The following SH3D21 variants were observed in gnomAD, a reference collection of about 807,000 sequenced individuals.
SH3D21 encodes manchette microtubule inner protein 1.
A neutral mutation model predicts 82.1 loss-of-function variants in SH3D21; 83 were observed. The observed-to-expected ratio is 1.01, with a 90% CI of 0.85 to 1.21. The LOEUF is 1.21. SH3D21 is among the 50% of genes most tolerant of loss of function. SH3D21 has a pLI of 0.00. For missense variants in SH3D21, 980 were observed against 962.1 expected (o/e 1.02, Z -0.25); for synonymous variants, 383 against 387.8 (o/e 0.99, Z 0.15).
downstream of SH3D21, chr1:36,322,279 C>T (rs764049930): frequency 5.4e-6 from 8 of 1,483,054 alleles, no homozygotes; most frequent in Non-Finnish European, 7.1e-6. Context: ...CGCCTTGCAG[C>T]GGGAGCCGGG....
At position 36,321,048 on chromosome 1, in the gene SH3D21, C is replaced by A. The variant is rs776911224; in HGVS notation, c.2200-8C>A. ...CCCTGACAAAGTCTCCACCTCACTC[C>A]CGACCAGGTCCAGGTGATGCAGGGG... On this transcript the variant is annotated splice_polypyrimidine_tract_variant and splice_region_variant and intron_variant, in intron 15 of 15. Coordinates refer to ENST00000453908, the MANE Select transcript of SH3D21 (RefSeq NM_001162530.2). This position sits in a 1 kb window ranked among gnomAD's most constrained non-coding sequence, Gnocchi z 6.1. 3 of 1,609,906 alleles carry A rather than the reference C, an allele frequency of 1.9e-6. No individual in the cohort carries two copies. In the South Asian group the frequency reaches 3.3e-5, roughly 18 times the overall value.
At chr1:36,324,877 A>G (rs1198559325), downstream of SH3D21, 1 of 152,230 alleles carries the variant, frequency 6.6e-6, no homozygotes, top group East Asian at 1.9e-4. Context: ...TGCAGCCACT[A>G]GTCAACAAAT....
At position 36,307,023 on chromosome 1, in the gene SH3D21, C is replaced by A. The variant is rs1266631822; in HGVS notation, c.226+118C>A. On this transcript the variant is annotated intron_variant, in intron 3 of 15. Transcript: ENST00000453908. This position sits in a 1 kb window ranked among gnomAD's most constrained non-coding sequence, Gnocchi z 5.4. Reference sequence around the variant, plus strand: ...TGGGCGGGACCTCGGGGCCGCCCTGCGGTCTGTGATTGGTTCTCGAGTGCA... The same window carrying A: ...TGGGCGGGACCTCGGGGCCGCCCTGAGGTCTGTGATTGGTTCTCGAGTGCA... 2.8e-6 allele frequency: 4 copies of A among 1,431,532 alleles called. No individual in the cohort carries two copies. The highest frequency in any genetic ancestry group is 2.9e-5 in the African/African-American group (2 of 69,274). 88.7% of individuals were successfully genotyped at this position (1,431,532 alleles called of 1,614,324 possible).
intron 10 of SH3D21, among the ~76,000 whole-genome samples, chr1:36,310,696 GTCC>G (rs1298596018): frequency 1.3e-5 from 2 of 151,542 alleles, no homozygotes; most frequent in African/African-American, 4.9e-5. Flanking sequence ...TGTTGTTTGT[GTCC>G]TCCTCCTCTT....
rs10796880 is a variant in SH3D21 at position 36,316,530 on chromosome 1, T to A, written c.770-2541T>A. ...GATTACAGGCGTGAGCCACCGCGCC[T>A]GGCCGAGAATTTGCTTTTACTTCTC... is the stretch of plus-strand genomic sequence containing the variant. On this transcript the variant is annotated intron_variant, in intron 10 of 15. Coordinates refer to ENST00000453908, the MANE Select transcript of SH3D21 (RefSeq NM_001162530.2). Among the ~76,000 whole-genome samples, 376 of 152,272 alleles carry A rather than the reference T, an allele frequency of 2.5e-3. 2 individuals carry two copies. The highest frequency in any genetic ancestry group is 4.1e-3 in the Non-Finnish European group (279 of 68,034).
At chr1:36,309,881 C>G (rs903921461) in intron 10 of SH3D21, among the ~76,000 whole-genome samples, 10 of 152,132 alleles carry the variant, frequency 6.6e-5, no homozygotes, top group African/African-American at 2.4e-4. Flanking sequence ...ATATATAAGA[C>G]TGTGTATGTT....
chr1:36,320,662 C>G lies in SH3D21; in HGVS notation c.1999C>G (p.Gln667Glu), dbSNP rs1646437471. 3.7e-6 allele frequency: 6 copies of G among 1,614,274 alleles called. No individual in the cohort carries two copies. In the East Asian group the frequency reaches 6.7e-5, roughly 18 times the overall value. Reference protein sequence around the residue: ...TRPIKPPPDSQETLALPSLVP... With the variant: ...TRPIKPPPDSEETLALPSLVP... ...TCCTATCAAGCCGCCTCCAGACTCC[C>G]AAGAGACGCTCGCGCTCCCCTCGCT... Residue 667 changes from glutamine to glutamate, a missense_variant, in exon 14 of 16, where the codon CAA becomes GAA. Gln to Glu is a conservative substitution (Grantham distance 29, BLOSUM62 2). Coordinates refer to ENST00000453908, the MANE Select transcript of SH3D21 (RefSeq NM_001162530.2).
At chr1:36,328,041 G>C, downstream of SH3D21, 1 of 478,298 alleles carries the variant, frequency 2.1e-6, no homozygotes, top group South Asian at 1.5e-5. Flanking sequence ...TATCTGCCCA[G>C]GACTTATCTG....
intron 10 of SH3D21, among the ~76,000 whole-genome samples, chr1:36,312,154 T>A (rs1004105804): frequency 2.0e-5 from 3 of 151,888 alleles, no homozygotes; most frequent in Non-Finnish European, 4.4e-5. Flanking sequence ...CCTCCCGAGT[T>A]GCTGGGACTA....
rs1426790886 is a variant in SH3D21, at chr1:36,320,757, GTC to G, written c.2098_2099del (p.Leu700LysfsTer86). ...TAACGTCGCTGAGGGGCGAGGTGGA[GTC>G]TCTAAGGAGGGCGCTGGAGCTGATG... ...DVTSLRGEVE[S>X]LRRALELMEV... On this transcript the variant is annotated frameshift_variant, in exon 14 of 16. Transcript: ENST00000453908. LOFTEE classifies it high-confidence loss of function. 6.3e-7 allele frequency: 1 copy of G among 1,596,720 alleles called. No individual in the cohort carries two copies. Among genetic ancestry groups the G allele is most frequent in the Admixed American group, 1.8e-5 (1 of 56,332 alleles).
chr1:36,317,955 C>G (rs1646372488), intron 10 of SH3D21, among the ~76,000 whole-genome samples: 1 of 152,212 alleles, frequency 6.6e-6, no homozygotes, highest in African/African-American at 2.4e-5. Context: ...CCCAATAGAA[C>G]ACAAGTTCAG....
At chr1:36,311,389 T>C (rs1207645429) in intron 10 of SH3D21, among the ~76,000 whole-genome samples, 14 of 152,006 alleles carry the variant, frequency 9.2e-5, no homozygotes, top group Admixed American at 3.3e-4. Context: ...TACAGGCGCC[T>C]GCCATCACGC....
chr1:36,318,511 C>A (rs922526599), intron 10 of SH3D21, among the ~76,000 whole-genome samples: 3 of 152,150 alleles, frequency 2.0e-5, no homozygotes, highest in Non-Finnish European at 4.4e-5. Flanking sequence ...TGGCTCACAC[C>A]TGTAATGCCA....
Position 36,321,224 on chromosome 1 carries a change from G to C in SH3D21, c.*97G>C. ...AACGCGAGAAAGTAAACTCTGCCTA[G>C]CACGGCGCCACGCCGGTCTGGTCGC... On this transcript the variant is annotated 3_prime_UTR_variant, in exon 16 of 16. Coordinates refer to ENST00000453908, the MANE Select transcript of SH3D21 (RefSeq NM_001162530.2). The surrounding 1 kb of genome is among the most constrained non-coding windows in gnomAD (Gnocchi z 6.1). 6.6e-7 allele frequency: 1 copy of C among 1,509,142 alleles called. No homozygotes were observed. Among genetic ancestry groups the C allele is most frequent in the African/African-American group, 1.4e-5 (1 of 72,428 alleles). The allele number at this position is 1,509,142 out of a possible 1,614,324, so 93.5% of individuals were successfully genotyped here. A position where few individuals can be genotyped will look rare whatever the true frequency, so the allele number is the denominator to read the frequency against.
downstream of SH3D21, chr1:36,328,014 C>T (rs922688260): frequency 1.8e-6 from 1 of 545,226 alleles, no homozygotes; most frequent in South Asian, 1.5e-5. Flanking sequence ...CCATCTCCTC[C>T]CTACCTCCTC....
intron 11 of SH3D21, 25 bp from the exon 12 acceptor site, chr1:36,319,235 A>C: frequency 6.4e-7 from 1 of 1,551,604 alleles, no homozygotes; most frequent in Non-Finnish European, 8.7e-7. Context: ...CCCCACCCTG[A>C]GGGCCTGATG....
chr1:36,315,029 C>A (rs911810504), intron 10 of SH3D21, among the ~76,000 whole-genome samples: 4 of 152,116 alleles, frequency 2.6e-5, no homozygotes, highest in Admixed American at 2.6e-4. Context: ...TATCCCAGCA[C>A]TTTGGGAGGC....
Position 36,307,526 on chromosome 1 carries a change from G to A in SH3D21, c.355G>A (p.Gly119Ser), listed in dbSNP as rs560233988. The A allele has an allele frequency of 3.0e-5, 46 of 1,551,670 alleles. No homozygotes were observed. The African/African-American group carries it at 4.1e-4, about 14-fold the overall frequency. Residue 119 changes from glycine to serine, a missense_variant, in exon 5 of 16, where the codon GGC becomes AGC. Physicochemically the swap from Gly to Ser is moderately conservative, Grantham distance 56 (BLOSUM62 0). Coordinates refer to ENST00000453908, the MANE Select transcript of SH3D21 (RefSeq NM_001162530.2). This position sits in a 1 kb window ranked among gnomAD's most constrained non-coding sequence, Gnocchi z 5.4. ...CCTCCCCTCTCCCCAGATTGAGGAC[G>A]GCTGGTGGCTGGGGAAGAAGAACGG... The part of the protein sequence containing the change: ...IVEMIKEIED[G>S]WWLGKKNGQL...
rs748101016 is a variant in SH3D21, at chr1:36,307,186, G to A, written c.246G>A (p.Pro82=). ...TGCTAGGTCATCCTGCCAAACACCC[G>A]AGGCCCCAAAGATGGTGCAAAGTGA... ...ARRRGHPAKH[P]RPQRWCKVNF... The change falls in exon 4 of 16, where the codon CCG becomes CCA. Residue 82 remains proline, a synonymous_variant. Coordinates refer to ENST00000453908, the MANE Select transcript of SH3D21 (RefSeq NM_001162530.2). The surrounding 1 kb of genome is among the most constrained non-coding windows in gnomAD (Gnocchi z 5.4). 1.3e-6 allele frequency: 2 copies of A among 1,551,590 alleles called. No homozygotes were observed. Among genetic ancestry groups the A allele is most frequent in the African/African-American group, 1.4e-5 (1 of 73,062 alleles).
Sources: gnomAD v4.1 joint callset for allele counts (sites outside exome capture counted in the v4.1 genomes callset) on GRCh38, gnomAD v4.1.1 for gene constraint, Gnocchi (gnomAD v3.1) non-coding constraint, MANE v1.5 for transcripts, NCBI Gene and HGNC (gene_info 2026-07-23, HGNC 2026-07-21) for gene names.